The following HSD3B1 variants were observed in gnomAD, a reference collection of about 807,000 sequenced individuals.
HSD3B1 encodes the protein 3 beta-hydroxysteroid dehydrogenase/Delta 5-->4-isomerase type 1.
Under a neutral mutation model 10.4 loss-of-function variants are expected in HSD3B1, and 11 were observed. The ratio of observed to expected loss-of-function variants is 1.05; its 90% CI spans 0.66 to 1.75. The LOEUF (loss-of-function observed/expected upper bound fraction) is 1.75. Ranked by LOEUF, HSD3B1 falls within the 40% of genes most tolerant of loss-of-function variation. The pLI is 0.00. For synonymous variants in HSD3B1, 217 were observed against 185.4 expected (o/e 1.17, Z -1.39); for missense variants, 490 against 454.5 (o/e 1.08, Z -0.71).
chr1:119,510,625 T>A (rs943540035), intron 2 of HSD3B1, among the ~76,000 whole-genome samples: 1 of 150,352 alleles, frequency 6.7e-6, no homozygotes, highest in African/African-American at 2.4e-5. Flanking sequence ...AAATCCCCTA[T>A]ACCAGTCCAT....
In HSD3B1 at chr1:119,508,369, TTAA is replaced by T. The variant is rs951877297; in HGVS notation, c.145+749_145+751del. ...TAGATTTTGCATATATGGCTTTTTT[TTAA>T]AAAAAAAAAAACAAAACATTTACCT... On this transcript the variant is annotated intron_variant, in intron 2 of 3. Transcript: ENST00000369413. 6.9e-5 allele frequency among the ~76,000 whole-genome samples: 10 copies of T among 145,572 alleles called. 1 individual carries two copies. Among genetic ancestry groups the T allele is most frequent in the African/African-American group, 2.2e-4 (8 of 36,174 alleles).
At chr1:119,508,816 T>C (rs1326066532) in intron 2 of HSD3B1, among the ~76,000 whole-genome samples, 1 of 152,238 alleles carries the variant, frequency 6.6e-6, no homozygotes, top group Non-Finnish European at 1.5e-5. Context: ...CCCAACACTC[T>C]ACTTTTGCTC....
intron 2 of HSD3B1, among the ~76,000 whole-genome samples, chr1:119,510,419 T>C (rs1570878319): frequency 1.3e-5 from 2 of 152,284 alleles, no homozygotes; most frequent in Middle Eastern, 6.8e-3. Flanking sequence ...AGCAGGAAAC[T>C]GTAGGGGTGA....
At chr1:119,513,682 C>A (rs1570881264) in intron 3 of HSD3B1, 152 bp from the exon 4 acceptor site, 1 of 770,956 alleles carries the variant, frequency 1.3e-6, no homozygotes, top group Non-Finnish European at 2.2e-6. Context: ...TGTAGTACGA[C>A]CAAATCTCAG....
At position 119,510,937 on chromosome 1, in the gene HSD3B1, G is replaced by C. The variant is rs1001361958; in HGVS notation, c.146-566G>C. Among the ~76,000 whole-genome samples the C allele has an allele frequency of 6.7e-4, 101 of 151,382 alleles. 2 individuals are homozygous for C. The highest frequency in any genetic ancestry group is 1.0e-4 in the Non-Finnish European group (7 of 67,860). ...ATTTCATGTATTTTAATAGAAATGG[G>C]ATTTCCCCATGTTGTCCAAGCTGGT... is the stretch of plus-strand genomic sequence containing the variant. On this transcript the variant is annotated intron_variant, in intron 2 of 3. Transcript: ENST00000369413.
rs116803001 is a variant in HSD3B1, at chr1:119,511,266, C to T, written c.146-237C>T. On this transcript the variant is annotated intron_variant, in intron 2 of 3. Coordinates refer to ENST00000369413, the MANE Select transcript of HSD3B1 (RefSeq NM_000862.3). Reference sequence around the variant, plus strand: ...TCCAGGCATACCTGACAGCTCACTGCTCAGATTACTTTTCTAAAATGAGAT... The same window carrying T: ...TCCAGGCATACCTGACAGCTCACTGTTCAGATTACTTTTCTAAAATGAGAT... Among the ~76,000 whole-genome samples, 348 of 152,310 alleles carry T rather than the reference C, an allele frequency of 2.3e-3. 3 individuals are homozygous for T. The highest frequency in any genetic ancestry group is 7.7e-3 in the African/African-American group (321 of 41,570).
intron 3 of HSD3B1, among the ~76,000 whole-genome samples, chr1:119,512,721 G>C (rs888485149): frequency 2.6e-5 from 4 of 152,194 alleles, no homozygotes; most frequent in Admixed American, 2.0e-4. Context: ...GACAGGGGAA[G>C]TGTTAGAGGC....
chr1:119,513,756 G>A (rs587684346), intron 3 of HSD3B1, 78 bp from the exon 4 acceptor site: 12 of 1,334,454 alleles, frequency 9.0e-6, no homozygotes, highest in Non-Finnish European at 1.3e-5. Flanking sequence ...GTGGGGGGTG[G>A]GGCACATAGA....
At chr1:119,515,057 T>C (rs1654069208), downstream of HSD3B1, 1 of 219,010 alleles carries the variant, frequency 4.6e-6, no homozygotes, top group African/African-American at 2.3e-5. Flanking sequence ...ATGTTTAATG[T>C]GGAGGGAGGT....
chr1:119,514,931 G>A lies in HSD3B1; in HGVS notation c.*286G>A. On this transcript the variant is annotated 3_prime_UTR_variant, in exon 4 of 4. Transcript: ENST00000369413. Reference sequence around the variant, plus strand: ...AACAATTTAGGGACTCTTTTAACTTGAGGGTCGTTTTGACTACTAGAGCTC... The same window carrying A: ...AACAATTTAGGGACTCTTTTAACTTAAGGGTCGTTTTGACTACTAGAGCTC... 1 of 431,440 alleles carries A rather than the reference G, an allele frequency of 2.3e-6. No homozygotes were observed. The highest frequency in any genetic ancestry group is 4.1e-6 in the Non-Finnish European group (1 of 241,860). 26.7% of individuals were successfully genotyped at this position (431,440 alleles called of 1,614,324 possible).
chr1:119,514,883 C>A lies in HSD3B1; in HGVS notation c.*238C>A. 1 of 558,534 alleles carries A rather than the reference C, an allele frequency of 1.8e-6. No individual in the cohort carries two copies. Among genetic ancestry groups the A allele is most frequent in the East Asian group, 3.1e-5 (1 of 32,200 alleles). 34.6% of individuals were successfully genotyped at this position (558,534 alleles called of 1,614,324 possible). On this transcript the variant is annotated 3_prime_UTR_variant, in exon 4 of 4. Transcript: ENST00000369413. ...GGAAAGACCATGTGGTTTGCTGTTA[C>A]CAAATCTCAGTAGCTGATTCTGAAC... is the stretch of plus-strand genomic sequence containing the variant.
In HSD3B1 at chr1:119,514,213, C is replaced by T; in HGVS notation, c.690C>T (p.Ala230=). 6.2e-7 allele frequency: 1 copy of T among 1,614,162 alleles called. No individual in the cohort carries two copies. Among genetic ancestry groups the T allele is most frequent in the Non-Finnish European group, 8.5e-7 (1 of 1,180,016 alleles). Residue 230 remains alanine, a synonymous_variant, in exon 4 of 4, where the codon GCC becomes GCT. Coordinates refer to ENST00000369413, the MANE Select transcript of HSD3B1 (RefSeq NM_000862.3). ...TVNPVYVGNV[A]WAHILALRAL... is the part of the protein sequence containing the mutation. ...ACCCAGTCTATGTTGGCAATGTGGC[C>T]TGGGCCCACATTCTGGCCTTGAGGG...
At chr1:119,507,828 TG>T in intron 2 of HSD3B1, 1 of 521,506 alleles carries the variant, frequency 1.9e-6, no homozygotes, top group Non-Finnish European at 3.4e-6. Context: ...GACTAGATTC[TG>T]GCCCTGACCC....
In HSD3B1 at chr1:119,514,784, G is replaced by A. The variant is rs1174770962; in HGVS notation, c.*139G>A. On this transcript the variant is annotated 3_prime_UTR_variant, in exon 4 of 4. Transcript: ENST00000369413. ...CCTTTCATACAATGGCCAACTTATT[G>A]TATTCCTCATGTCATCAAAACCTGC... is the stretch of plus-strand genomic sequence containing the variant. The A allele has an allele frequency of 3.3e-6, 3 of 906,258 alleles. No individual in the cohort carries two copies. In the Admixed American group the frequency reaches 6.2e-5, roughly 19 times the overall value. 56.1% of individuals were successfully genotyped at this position (906,258 alleles called of 1,614,324 possible). A position where few individuals can be genotyped will look rare whatever the true frequency, so the allele number is the denominator to read the frequency against.
In HSD3B1 at chr1:119,507,310, C is replaced by A. The variant is rs33924587; in HGVS notation, c.-86+48C>A. 2,012 of 647,454 alleles carry A rather than the reference C, an allele frequency of 3.1e-3. 33 individuals are homozygous for A. In the African/African-American group the frequency reaches 0.033, roughly 11 times the overall value. The allele number at this position is 647,454 out of a possible 1,614,324, so 40.1% of individuals were successfully genotyped here. ...TCAGCTACTCCTGCAGTGGTGGGGA[C>A]ACAGAATGTTTGCAAAAAAAATGGG... On this transcript the variant is annotated intron_variant, in intron 1 of 3. Transcript: ENST00000369413.
chr1:119,511,472 CATTCCAATG>C, intron 2 of HSD3B1, 22 bp from the exon 3 acceptor site: 6 of 1,611,774 alleles, frequency 3.7e-6, no homozygotes, highest in Non-Finnish European at 5.1e-6. Flanking sequence ...ATACAGAAAT[CATTCCAATG>C]ACCTGACCTG....
Position 119,514,270 on chromosome 1 carries a change from C to A in HSD3B1, c.747C>A (p.Ile249=), listed in dbSNP as rs1465255283. Residue 249 remains isoleucine (I), a synonymous_variant, in exon 4 of 4, where the codon ATC becomes ATA. Transcript: ENST00000369413. ...AGGACCCCAAGAAGGCCCCAAGCAT[C>A]CGAGGACAGTTCTACTATATCTCAG... ...ALQDPKKAPS[I]RGQFYYISDD... 1 of 1,614,106 alleles carries A rather than the reference C, an allele frequency of 6.2e-7. No individual in the cohort carries two copies. Among genetic ancestry groups the A allele is most frequent in the Admixed American group, 1.7e-5 (1 of 60,018 alleles).
chr1:119,512,785 T>C (rs1444522149), intron 3 of HSD3B1, among the ~76,000 whole-genome samples: 1 of 152,192 alleles, frequency 6.6e-6, no homozygotes, highest in Non-Finnish European at 1.5e-5. Flanking sequence ...CTTCACAATG[T>C]TGGTCATTTC....
intron 3 of HSD3B1, 49 bp from the exon 4 acceptor site, chr1:119,513,785 A>G (rs1366010431): frequency 6.3e-7 from 1 of 1,579,448 alleles, no homozygotes; most frequent in African/African-American, 1.3e-5. Context: ...CGTGGTTGGC[A>G]CCTCTTAGGG....
Sources: gnomAD v4.1 joint callset for allele counts (sites outside exome capture counted in the v4.1 genomes callset) on GRCh38, gnomAD v4.1.1 for gene constraint, MANE v1.5 for transcripts, NCBI Gene and HGNC (gene_info 2026-07-23, HGNC 2026-07-21) for gene names.